GABRB1: variants seen among roughly 807,000 people sequenced by gnomAD.
GABRB1 encodes gamma-aminobutyric acid receptor subunit beta-1.
A neutral mutation model predicts 51.6 loss-of-function variants in GABRB1; 17 were observed. The ratio of observed to expected loss-of-function variants is 0.33; its 90% CI spans 0.23 to 0.49. The LOEUF (loss-of-function observed/expected upper bound fraction) is 0.49. Among genes scored for constraint, GABRB1 ranks in the 20% least tolerant of loss-of-function variants. GABRB1 has a pLI of 0.99. For synonymous variants in GABRB1, 247 were observed against 218.9 expected (o/e 1.13, Z -1.14); for missense variants, 410 against 600.6 (o/e 0.68, Z 3.32).
intron 3 of GABRB1, among the ~76,000 whole-genome samples, chr4:47,135,286 C>G (rs1319770230): frequency 6.6e-6 from 1 of 152,076 alleles, no homozygotes; most frequent in Admixed American, 6.5e-5. Flanking sequence ...ATCGGCAGCA[C>G]ATGTATGCGG....
chr4:47,150,671 A>G (rs1466930567), intron 3 of GABRB1, among the ~76,000 whole-genome samples: 1 of 151,756 alleles, frequency 6.6e-6, no homozygotes, highest in Non-Finnish European at 1.5e-5. Flanking sequence ...ACATAATGTT[A>G]TAAGCATGAG....
At chr4:47,012,692 G>A (rs1217656072) in intron 1 of GABRB1, among the ~76,000 whole-genome samples, 1 of 152,166 alleles carries the variant, frequency 6.6e-6, no homozygotes, top group Non-Finnish European at 1.5e-5. Context: ...GTCTCCAAGT[G>A]TTGACACAGG....
intron 1 of GABRB1, among the ~76,000 whole-genome samples, chr4:47,010,288 A>G (rs181622067): frequency 6.2e-4 from 95 of 152,386 alleles, no homozygotes; most frequent in Non-Finnish European, 1.1e-3. Flanking sequence ...ATAATAAAAT[A>G]TAGCCAGTAA....
At chr4:47,421,255 A>G (rs1729083642) in intron 8 of GABRB1, among the ~76,000 whole-genome samples, 1 of 152,122 alleles carries the variant, frequency 6.6e-6, no homozygotes, top group Non-Finnish European at 1.5e-5. Context: ...TGCAAGTTTT[A>G]GGCACATTTA....
chr4:47,226,743 T>A (rs1288503614), intron 4 of GABRB1, among the ~76,000 whole-genome samples: 3 of 152,166 alleles, frequency 2.0e-5, no homozygotes, highest in Non-Finnish European at 2.9e-5. Flanking sequence ...CATTTTTTTC[T>A]GAGTGCCAGC....
intron 8 of GABRB1, among the ~76,000 whole-genome samples, chr4:47,421,971 A>G (rs539041485): frequency 6.6e-6 from 1 of 152,210 alleles, no homozygotes; most frequent in South Asian, 2.1e-4. Flanking sequence ...GAATTCAAGC[A>G]TTTTGGTCCT....
At chr4:47,052,429 C>A (rs940804099) in intron 3 of GABRB1, among the ~76,000 whole-genome samples, 2 of 152,192 alleles carry the variant, frequency 1.3e-5, no homozygotes, top group African/African-American at 2.4e-5. Flanking sequence ...AACAAACACA[C>A]ATTCAGGCAA....
At chr4:47,295,038 G>C (rs1463657259) in intron 4 of GABRB1, among the ~76,000 whole-genome samples, 1 of 152,228 alleles carries the variant, frequency 6.6e-6, no homozygotes, top group African/African-American at 2.4e-5. Context: ...CAGACCTGCA[G>C]CTGAGGGTCT....
intron 1 of GABRB1, among the ~76,000 whole-genome samples, chr4:47,015,068 G>A (rs767464300): frequency 1.3e-5 from 2 of 152,038 alleles, no homozygotes; most frequent in Non-Finnish European, 2.9e-5. Flanking sequence ...CACCACACCC[G>A]GCTAATTTTT....
At chr4:47,402,589 G>T (rs140861126) in intron 5 of GABRB1, among the ~76,000 whole-genome samples, 1 of 152,200 alleles carries the variant, frequency 6.6e-6, no homozygotes, top group East Asian at 1.9e-4. Context: ...AAGAGATTAG[G>T]CCATCAGCAA....
intron 4 of GABRB1, among the ~76,000 whole-genome samples, chr4:47,294,656 T>G (rs989764301): frequency 2.0e-5 from 3 of 152,236 alleles, no homozygotes; most frequent in African/African-American, 7.2e-5. Context: ...TCTGCCTTTG[T>G]AGGCTCCACC....
chr4:47,376,922 A>T (rs897286515), intron 5 of GABRB1, among the ~76,000 whole-genome samples: 22 of 152,328 alleles, frequency 1.4e-4, no homozygotes, highest in Admixed American at 7.2e-4. Flanking sequence ...TCTTAAGTAG[A>T]TGAATGTTTC....
chr4:47,288,069 C>T (rs940691063), intron 4 of GABRB1, among the ~76,000 whole-genome samples: 17 of 152,030 alleles, frequency 1.1e-4, no homozygotes, highest in African/African-American at 3.4e-4. Context: ...TGTGAAATAA[C>T]GCATTTGTTG....
upstream of GABRB1, among the ~76,000 whole-genome samples, chr4:47,029,182 G>A (rs1307478485): frequency 6.6e-6 from 1 of 151,712 alleles, no homozygotes; most frequent in East Asian, 1.9e-4. Context: ...TTATCACTAG[G>A]GTATATTCTG....
intron 5 of GABRB1, among the ~76,000 whole-genome samples, chr4:47,324,440 T>A (rs1725181553): frequency 6.6e-6 from 1 of 152,164 alleles, no homozygotes; most frequent in South Asian, 2.1e-4. Context: ...ACTCTTCTCA[T>A]CTTAAAACAC....
rs545450513 is a variant in GABRB1, at chr4:47,046,129, A to C, written c.240+13645A>C. Among the ~76,000 whole-genome samples the C allele has an allele frequency of 1.8e-3, 274 of 152,192 alleles. 2 individuals are homozygous for C. Among genetic ancestry groups the C allele is most frequent in the Non-Finnish European group, 1.8e-3 (119 of 67,984 alleles). The stretch of plus-strand genomic sequence containing the variant: ...TTCTCTCTCCGGCCACTCTGTGAAG[A>C]GGTGCCCTCTGCCATGATTGTATGT... On this transcript the variant is annotated intron_variant, in intron 3 of 8. Coordinates refer to ENST00000295454, the MANE Select transcript of GABRB1 (RefSeq NM_000812.4).
At chr4:47,336,682 C>T (rs766494432) in intron 5 of GABRB1, among the ~76,000 whole-genome samples, 8 of 152,120 alleles carry the variant, frequency 5.3e-5, no homozygotes, top group Non-Finnish European at 7.4e-5. Context: ...GACAAATGTC[C>T]CTGATAGTGC....
chr4:47,323,198 GA>G (rs1372228338), intron 5 of GABRB1, among the ~76,000 whole-genome samples: 1 of 152,122 alleles, frequency 6.6e-6, no homozygotes, highest in Non-Finnish European at 1.5e-5. Context: ...TGTGGATGCA[GA>G]AAACCAGGCA....
At chr4:47,387,920 C>G (rs901197041) in intron 5 of GABRB1, among the ~76,000 whole-genome samples, 1 of 152,130 alleles carries the variant, frequency 6.6e-6, no homozygotes, top group African/African-American at 2.4e-5. Context: ...CTAATGGTGG[C>G]AGCAGAATTT....
Sources: gnomAD v4.1 joint callset for allele counts (sites outside exome capture counted in the v4.1 genomes callset) on GRCh38, gnomAD v4.1.1 for gene constraint, MANE v1.5 for transcripts, NCBI Gene and HGNC (gene_info 2026-07-23, HGNC 2026-07-21) for gene names.